The following TCF20 variants were observed in gnomAD, a reference collection of about 807,000 sequenced individuals.
The protein encoded by TCF20 is SPRE-binding protein.
Under a neutral mutation model 148.6 loss-of-function variants are expected in TCF20, and 3 were observed. The observed-to-expected ratio is 0.02, with a 90% confidence interval of 0.01 to 0.05. The LOEUF (loss-of-function observed/expected upper bound fraction) is 0.05. Ranked by LOEUF, TCF20 falls within the 10% of genes least tolerant of loss-of-function variation. The probability of loss-of-function intolerance (pLI) is 1.00; values close to 1 mark genes in which losing one functional copy is unlikely to be tolerated. For synonymous variants in TCF20, 1,049 were observed against 909.5 expected (o/e 1.15, Z -2.76); for missense variants, 2,350 against 2,429.3 (o/e 0.97, Z 0.69).
At chr22:42,269,545 G>GC (rs903101288) in intron 1 of TCF20, among the ~76,000 whole-genome samples, 1 of 152,156 alleles carries the variant, frequency 6.6e-6, no homozygotes, top group African/African-American at 2.4e-5. Flanking sequence ...AGAGGGATCG[G>GC]CCCGATTGGC....
At chr22:42,321,508 TCCTCTCTTC>T (rs1927732036) in intron 1 of TCF20, among the ~76,000 whole-genome samples, 1 of 150,344 alleles carries the variant, frequency 6.7e-6, no homozygotes, top group Non-Finnish European at 1.5e-5. Flanking sequence ...AGGGCTCTTG[TCCTCTCTTC>T]AACAAAATGG....
At chr22:42,268,184 T>G (rs778129762) in intron 1 of TCF20, among the ~76,000 whole-genome samples, 3 of 152,110 alleles carry the variant, frequency 2.0e-5, no homozygotes, top group Admixed American at 6.5e-5. Context: ...ATTTTAAAAA[T>G]TAAATAATAT....
chr22:42,331,255 C>T (rs1048840561), intron 1 of TCF20, among the ~76,000 whole-genome samples: 3 of 152,198 alleles, frequency 2.0e-5, no homozygotes, highest in Admixed American at 6.5e-5. Context: ...CGCTAAGCCA[C>T]GAGCCACCGG....
At chr22:42,256,454 G>A (rs1319257871) in intron 1 of TCF20, among the ~76,000 whole-genome samples, 2 of 151,164 alleles carry the variant, frequency 1.3e-5, no homozygotes, top group Admixed American at 6.6e-5. Flanking sequence ...CAGCACATGC[G>A]CTAGCCAATG....
chr22:42,189,550 T>C lies in TCF20; in HGVS notation c.5656-9848A>G, dbSNP rs868512758. On this transcript the variant is annotated intron_variant, in intron 2 of 5. Coordinates refer to ENST00000677622, the MANE Select transcript of TCF20 (RefSeq NM_001378418.1). Reference sequence around the variant, plus strand: ...CTATCTTCCTGCTTTAGTAAATAGCTCAGGGTTTTGAGTAAACTGATTGTT... The same window carrying C: ...CTATCTTCCTGCTTTAGTAAATAGCCCAGGGTTTTGAGTAAACTGATTGTT... Among the ~76,000 whole-genome samples, 4 of 152,238 alleles carry C rather than the reference T, an allele frequency of 2.6e-5. No homozygotes were observed. The South Asian group carries it at 8.3e-4, about 32-fold the overall frequency.
chr22:42,210,861 G>A lies in TCF20; in HGVS notation c.4445C>T (p.Ser1482Phe). 3 of 1,614,182 alleles carry A rather than the reference G, an allele frequency of 1.9e-6. No homozygotes were observed. The highest frequency in any genetic ancestry group is 2.5e-6 in the Non-Finnish European group (3 of 1,180,046). The change falls in exon 2 of 6, where the codon TCC becomes TTC. Residue 1482 changes from serine (S) to phenylalanine (F), a missense_variant. This residue lies in a region of TCF20 where 231 missense variants were observed against 213.7 expected (regional missense o/e 1.08). Coordinates refer to ENST00000677622, the MANE Select transcript of TCF20 (RefSeq NM_001378418.1). This position sits in a 1 kb window ranked among gnomAD's most constrained non-coding sequence, Gnocchi z 4.7. ...PGSNQGRPDG[S>F]LGGTAPLIFP... is the part of the protein sequence containing the mutation. ...GATTAAAGGTGCTGTTCCACCCAGG[G>A]AACCATCTGGTCTCCCTTGGTTACT...
chr22:42,301,695 C>T (rs933282660), intron 1 of TCF20, among the ~76,000 whole-genome samples: 3 of 152,198 alleles, frequency 2.0e-5, no homozygotes, highest in Non-Finnish European at 4.4e-5. Context: ...AGGTGGGAAG[C>T]AATGTTTGCA....
intron 1 of TCF20, among the ~76,000 whole-genome samples, chr22:42,314,676 T>C (rs996266056): frequency 5.3e-5 from 8 of 152,316 alleles, no homozygotes; most frequent in Middle Eastern, 3.4e-3. Context: ...ACCCCTCCTG[T>C]CTGCTCTGTG....
intron 2 of TCF20, among the ~76,000 whole-genome samples, chr22:42,191,338 G>C (rs1229765114): frequency 6.6e-6 from 1 of 152,122 alleles, no homozygotes; most frequent in Admixed American, 6.5e-5. Flanking sequence ...TGCCCAGGCT[G>C]GAGTACAGTG....
At chr22:42,202,816 A>T (rs141787817) in intron 2 of TCF20, among the ~76,000 whole-genome samples, 33 of 152,310 alleles carry the variant, frequency 2.2e-4, no homozygotes, top group African/African-American at 7.5e-4. Context: ...AGAATCACAC[A>T]AACTTTCCTG....
At chr22:42,256,358 CT>C (rs1316883407) in intron 1 of TCF20, among the ~76,000 whole-genome samples, 10 of 151,772 alleles carry the variant, frequency 6.6e-5, no homozygotes, top group Admixed American at 4.6e-4. Context: ...CAGAAATTTT[CT>C]TTTTTCTTTT....
At chr22:42,306,005 C>T (rs999439729) in intron 1 of TCF20, among the ~76,000 whole-genome samples, 2 of 152,234 alleles carry the variant, frequency 1.3e-5, no homozygotes. Flanking sequence ...CCTCCCCCTC[C>T]CCACTGAGCA....
chr22:42,168,745 G>A lies in TCF20; in HGVS notation c.5800-9C>T. ...GGGCACGGAAGGGGAGGCTGACACG[G>A]GCAAAACCAAGAGGAGACAGACAGG... On this transcript the variant is annotated splice_polypyrimidine_tract_variant and intron_variant, in intron 4 of 5. Transcript: ENST00000677622. The A allele has an allele frequency of 1.2e-6, 2 of 1,605,174 alleles. No homozygotes were observed. The highest frequency in any genetic ancestry group is 1.7e-6 in the Non-Finnish European group (2 of 1,176,020).
intron 1 of TCF20, among the ~76,000 whole-genome samples, chr22:42,219,323 G>GTGC (rs890844677): frequency 8.8e-6 from 1 of 113,984 alleles, no homozygotes; most frequent in African/African-American, 3.3e-5. Context: ...ATGTGCCAAT[G>GTGC]TGCTCCACCC....
At position 42,210,476 on chromosome 22, in the gene TCF20, A is replaced by T. The variant is rs1404338110; in HGVS notation, c.4830T>A (p.Pro1610=). The change falls in exon 2 of 6, where the codon CCT becomes CCA. Residue 1610 remains proline (P), a synonymous_variant. Transcript: ENST00000677622. This position sits in a 1 kb window ranked among gnomAD's most constrained non-coding sequence, Gnocchi z 4.7. ...GGGTGGCATATTTTAGTTTGATCTC[A>T]GGTTCTTGGGGTTCCACAATGGGAA... ...QAVPIVEPQE[P]EIKLKYATQP... 1.2e-6 allele frequency: 2 copies of T among 1,614,176 alleles called. No individual in the cohort carries two copies.
intron 1 of TCF20, among the ~76,000 whole-genome samples, chr22:42,296,759 C>T (rs1037971468): frequency 6.6e-5 from 10 of 152,254 alleles, no homozygotes; most frequent in African/African-American, 2.2e-4. Context: ...TGATGCCAGC[C>T]CCAAGCAGGG....
intron 1 of TCF20, among the ~76,000 whole-genome samples, chr22:42,255,492 AACAACAACAACAACAACAAC>A (rs1925686535): frequency 6.7e-6 from 1 of 149,398 alleles, no homozygotes; most frequent in African/African-American, 2.5e-5. Flanking sequence ...CATCTCAAAC[AACAACAACAACAACAACAAC>A]AACAACAACA....
At chr22:42,324,979 C>T (rs1927847946) in intron 1 of TCF20, among the ~76,000 whole-genome samples, 1 of 152,252 alleles carries the variant, frequency 6.6e-6, no homozygotes, top group Non-Finnish European at 1.5e-5. Context: ...TGGGTTCTCC[C>T]CTTGGCCCTA....
chr22:42,260,234 G>A (rs1017527659), intron 1 of TCF20, among the ~76,000 whole-genome samples: 1 of 152,100 alleles, frequency 6.6e-6, no homozygotes, highest in Non-Finnish European at 1.5e-5. Context: ...CAAGAGGGAA[G>A]GTGAACAAAC....
Sources: gnomAD v4.1 joint callset for allele counts (sites outside exome capture counted in the v4.1 genomes callset) on GRCh38, gnomAD v4.1.1 for gene constraint, gnomAD v4.1.1 regional missense constraint, Gnocchi (gnomAD v3.1) non-coding constraint, MANE v1.5 for transcripts, NCBI Gene and HGNC (gene_info 2026-07-23, HGNC 2026-07-21) for gene names.